Variants in KIF13B observed in about 807,000 individuals in gnomAD.
KIF13B encodes the protein kinesin-like protein KIF13B.
KIF13B carries 127 observed loss-of-function variants against 222.0 expected under a neutral mutation model. The observed-to-expected ratio is 0.57, with a 90% CI of 0.50 to 0.66. KIF13B has a LOEUF of 0.66. KIF13B is among the 30% of genes least tolerant of loss of function. The pLI is 0.00. For missense variants in KIF13B, 2,173 were observed against 2,379.0 expected, an observed-to-expected ratio of 0.91 and a Z score of 1.80; for synonymous variants, 976 against 919.0, an observed-to-expected ratio of 1.06 and a Z score of -1.12.
chr8:29,192,944 G>A (rs1046416861), intron 3 of KIF13B, among the ~76,000 whole-genome samples: 3 of 152,154 alleles, frequency 2.0e-5, no homozygotes, highest in African/African-American at 4.8e-5. Context: ...CCTGCAGGGA[G>A]AGCACAGGCT....
At chr8:29,123,319 G>C (rs368356212) in intron 28 of KIF13B, 47 bp downstream of exon 28, 8 of 1,598,840 alleles carry the variant, frequency 5.0e-6, no homozygotes, top group Non-Finnish European at 6.8e-6. Context: ...AAAGCAAGTG[G>C]CTTGGTGAGC....
At position 29,257,768 on chromosome 8, in the gene KIF13B, T is replaced by C. The variant is rs573596347; in HGVS notation, c.55+5212A>G. Among the ~76,000 whole-genome samples the C allele has an allele frequency of 1.2e-3, 187 of 152,026 alleles. 3 individuals are homozygous for C. The highest frequency in any genetic ancestry group is 4.3e-3 in the African/African-American group (179 of 41,460). On this transcript the variant is annotated intron_variant, in intron 1 of 39. Transcript: ENST00000524189. ...TTGAGGATGCAGTGAGTGATGATCA[T>C]GCCACTGCACTCCAGCCTGGGCAAC...
At position 29,140,530 on chromosome 8, in the gene KIF13B, C is replaced by T. The variant is rs1004803364; in HGVS notation, c.2422G>A (p.Glu808Lys). 2.5e-6 allele frequency: 4 copies of T among 1,613,836 alleles called. No homozygotes were observed. Among genetic ancestry groups the T allele is most frequent in the Non-Finnish European group, 3.4e-6 (4 of 1,179,826 alleles). ...SLIGVANVFL[E>K]SLFYDVKLQY... ...AACTTCACATCATAGAAAAGTGACT[C>T]GAGGAAGACATTGGCCACCCCAATG... The change falls in exon 20 of 40, where the codon GAG (glutamate) becomes AAG (lysine). Residue 808 changes from glutamate to lysine, a missense_variant. Physicochemically the swap from Glu to Lys is moderately conservative, Grantham distance 56. This residue lies in a region of KIF13B where 1,480 missense variants were observed against 1,722.8 expected (regional missense o/e 0.86). Coordinates refer to ENST00000524189, the MANE Select transcript of KIF13B (RefSeq NM_015254.4).
At chr8:29,083,112 G>C (rs1020397612) in intron 37 of KIF13B, among the ~76,000 whole-genome samples, 2 of 152,088 alleles carry the variant, frequency 1.3e-5, no homozygotes, top group African/African-American at 4.8e-5. Context: ...CTGGGCAACA[G>C]AGCAAGACCC....
At chr8:29,117,204 T>A (rs1306616474) in intron 30 of KIF13B, among the ~76,000 whole-genome samples, 197 bp from the exon 31 acceptor site, 1 of 152,188 alleles carries the variant, frequency 6.6e-6, no homozygotes, top group Non-Finnish European at 1.5e-5. Context: ...GTATAGAGCA[T>A]GATGATCCTG....
rs376420704 is a variant in KIF13B, at chr8:29,132,361, G to A, written c.2889C>T (p.Pro963=). 3.8e-4 allele frequency: 609 copies of A among 1,591,830 alleles called. 1 individual carries two copies. The highest frequency in any genetic ancestry group is 1.3e-3 in the African/African-American group (97 of 73,830). ...GGATGATTCCCAAATCCCACAGGGC[G>A]GGGTTTTTCCGGGGATCGTTTATTT... ...GHKINDPRKN[P]ALWDLGIIQA... Residue 963 remains proline (P), a synonymous_variant, in exon 23 of 40, where the codon CCC becomes CCT. Transcript: ENST00000524189.
rs185552371 is a variant in KIF13B at position 29,188,834 on chromosome 8, C to T, written c.224-227G>A. ...TAATACATGCTTGAATAAATAAACA[C>T]GACTAAGAATCCCCTGCAATGCAGA... On this transcript the variant is annotated intron_variant, in intron 4 of 39. Transcript: ENST00000524189. Among the ~76,000 whole-genome samples, 653 of 152,276 alleles carry T rather than the reference C, an allele frequency of 4.3e-3. 2 individuals are homozygous for T. Among genetic ancestry groups the T allele is most frequent in the Non-Finnish European group, 6.0e-3 (409 of 68,020 alleles).
chr8:29,238,543 A>G (rs144398190), intron 2 of KIF13B, among the ~76,000 whole-genome samples: 18 of 152,350 alleles, frequency 1.2e-4, no homozygotes, highest in African/African-American at 4.3e-4. Flanking sequence ...AGATGATGTG[A>G]TCAACATCTC....
In KIF13B at chr8:29,127,218, CCCAGATTCCTGCA is replaced by C; in HGVS notation, c.3113_3125del (p.Val1038GlyfsTer5). 6.2e-7 allele frequency: 1 copy of C among 1,613,906 alleles called. No individual in the cohort carries two copies. The highest frequency in any genetic ancestry group is 8.5e-7 in the Non-Finnish European group (1 of 1,179,848). On this transcript the variant is annotated frameshift_variant, in exon 25 of 40. Transcript: ENST00000524189. LOFTEE classifies it high-confidence loss of function. ...TACATTCTTCCATCAGTGGTAAAGT[CCCAGATTCCTGCA>C]CTGACTTCACTTCGACTTGAACTCT...
At chr8:29,115,687 T>C (rs545630986) in intron 31 of KIF13B, among the ~76,000 whole-genome samples, 2 of 152,270 alleles carry the variant, frequency 1.3e-5, no homozygotes, top group South Asian at 4.1e-4. Context: ...ACCTTCATAA[T>C]CCAGCTGCAA....
At chr8:29,145,491 C>T (rs945864086) in intron 18 of KIF13B, among the ~76,000 whole-genome samples, 8 of 152,006 alleles carry the variant, frequency 5.3e-5, no homozygotes, top group Non-Finnish European at 1.2e-4. Context: ...ATTAGTCCAG[C>T]GTGGTGGCAC....
rs149000787 is a variant in KIF13B at position 29,213,185 on chromosome 8, T to C, written c.150-16986A>G. Among the ~76,000 whole-genome samples, 29 of 152,244 alleles carry C rather than the reference T, an allele frequency of 1.9e-4. 2 individuals are homozygous for C. In the East Asian group the frequency reaches 5.2e-3, roughly 27 times the overall value. ...TAGGGTCACTACCTACATAACATAC[T>C]TCACGCTGCTGTGCATCGTGGGGTG... On this transcript the variant is annotated intron_variant, in intron 2 of 39. Transcript: ENST00000524189.
chr8:29,147,401 GC>G lies in KIF13B; in HGVS notation c.2014del (p.Ala672LeufsTer8). ...PSAQQRLRQW[A>X]EEREATLNNS... ...CCTCTGTGCCGCCTACCTCTCCTCAGCCCACTGTCTTAAGCGTTGCTGAGCG... is the reference window on the plus strand; with the variant it reads ...CCTCTGTGCCGCCTACCTCTCCTCAGCCACTGTCTTAAGCGTTGCTGAGCG... On this transcript the variant is annotated frameshift_variant, in exon 17 of 40. Transcript: ENST00000524189. LOFTEE classifies it high-confidence loss of function. The G allele has an allele frequency of 6.2e-7, 1 of 1,603,748 alleles. No individual in the cohort carries two copies. The highest frequency in any genetic ancestry group is 1.1e-5 in the South Asian group (1 of 89,034).
In KIF13B at chr8:29,217,888, T is replaced by C. The variant is rs1339382891; in HGVS notation, c.150-21689A>G. Reference sequence around the variant, plus strand: ...CACCCCCCCACAAGATGGTTCATTATAATTTTCCATATTAATCAGCTCTAT... The same window carrying C: ...CACCCCCCCACAAGATGGTTCATTACAATTTTCCATATTAATCAGCTCTAT... On this transcript the variant is annotated intron_variant, in intron 2 of 39. Coordinates refer to ENST00000524189, the MANE Select transcript of KIF13B (RefSeq NM_015254.4). Among the ~76,000 whole-genome samples, 3 of 152,220 alleles carry C rather than the reference T, an allele frequency of 2.0e-5. No homozygotes were observed. The East Asian group carries it at 5.8e-4, about 29-fold the overall frequency.
At chr8:29,257,124 C>T (rs925262006) in intron 1 of KIF13B, among the ~76,000 whole-genome samples, 5 of 152,126 alleles carry the variant, frequency 3.3e-5, no homozygotes, top group Admixed American at 6.5e-5. Flanking sequence ...CTCCATTGCT[C>T]GCAAATAGAA....
chr8:29,093,721 T>A (rs947255531), intron 36 of KIF13B, among the ~76,000 whole-genome samples: 1 of 152,156 alleles, frequency 6.6e-6, no homozygotes, highest in Non-Finnish European at 1.5e-5. Context: ...TTTCTACATT[T>A]TACATAAAGC....
rs1815352022 is a variant in KIF13B, at chr8:29,232,960, A to C, written c.149+12386T>G. The stretch of plus-strand genomic sequence containing the variant: ...AACTTGAGGTCAGGAGTTCGAGACC[A>C]GCCTGGCCAACCTGACAAAACCCTA... On this transcript the variant is annotated intron_variant, in intron 2 of 39. Transcript: ENST00000524189. 2.6e-5 allele frequency among the ~76,000 whole-genome samples: 4 copies of C among 152,296 alleles called. No individual in the cohort carries two copies. In the South Asian group the frequency reaches 8.3e-4, roughly 32 times the overall value.
chr8:29,080,560 T>C (rs1339005049), intron 37 of KIF13B, among the ~76,000 whole-genome samples: 1 of 152,176 alleles, frequency 6.6e-6, no homozygotes, highest in Non-Finnish European at 1.5e-5. Flanking sequence ...CTCCAGACCC[T>C]GACAGGGTGA....
At chr8:29,244,453 G>A (rs1347047205) in intron 2 of KIF13B, among the ~76,000 whole-genome samples, 1 of 151,740 alleles carries the variant, frequency 6.6e-6, no homozygotes, top group South Asian at 2.1e-4. Flanking sequence ...TCCACTTTCA[G>A]GGCCAATACA....
Sources: allele counts gnomAD v4.1 joint callset (sites outside exome capture counted in the v4.1 genomes callset), GRCh38; gene constraint gnomAD v4.1.1; regional missense constraint gnomAD v4.1.1; transcripts MANE v1.5; gene names NCBI Gene and HGNC (gene_info 2026-07-23, HGNC 2026-07-21).